ZNF652: variants seen among roughly 807,000 people sequenced by gnomAD.
ZNF652 encodes the protein zinc finger protein 652.
ZNF652 carries 16 observed loss-of-function variants against 45.2 expected under a neutral mutation model. That is an observed-to-expected ratio of 0.35 (90% CI 0.24 to 0.54). The LOEUF is 0.54. Ranked by LOEUF, ZNF652 falls within the 20% of genes least tolerant of loss-of-function variation. The pLI is 0.91. For synonymous variants in ZNF652, 250 were observed against 260.6 expected, an observed-to-expected ratio of 0.96 and a Z score of 0.39; for missense variants, 614 against 765.6, an observed-to-expected ratio of 0.80 and a Z score of 2.34.
chr17:49,347,735 G>GGTTTTTTTTTTTTTTTTT (rs1481178311), intron 1 of ZNF652, among the ~76,000 whole-genome samples: 2 of 124,410 alleles, frequency 1.6e-5, no homozygotes, highest in African/African-American at 3.2e-5. Context: ...TTGAACCTTG[G>GGTTTTTTTTTTTTTTTTT]TTTTGTTTTT....
chr17:49,349,733 C>T (rs932312423), intron 1 of ZNF652, among the ~76,000 whole-genome samples: 1 of 152,138 alleles, frequency 6.6e-6, no homozygotes, highest in African/African-American at 2.4e-5. Context: ...GAAAAGGGTA[C>T]TATTGCACAA....
At chr17:49,352,243 T>TA (rs1415102274) in intron 1 of ZNF652, among the ~76,000 whole-genome samples, 8 of 147,314 alleles carry the variant, frequency 5.4e-5, no homozygotes, top group South Asian at 2.1e-4. Flanking sequence ...AGTCAATATA[T>TA]TTTTTTTTTT....
At chr17:49,328,428 G>C (rs1284257796) in intron 1 of ZNF652, among the ~76,000 whole-genome samples, 1 of 152,062 alleles carries the variant, frequency 6.6e-6, no homozygotes, top group African/African-American at 2.4e-5. Context: ...TGGATGTTTT[G>C]TCCTCTCCAA....
At chr17:49,303,326 C>T (rs867249921) in intron 5 of ZNF652, among the ~76,000 whole-genome samples, 4 of 143,334 alleles carry the variant, frequency 2.8e-5, no homozygotes, top group African/African-American at 5.3e-5. Context: ...CTGCAACCTC[C>T]GCCTTCTGGG....
chr17:49,344,025 C>T (rs1408172130), intron 1 of ZNF652, among the ~76,000 whole-genome samples: 3 of 151,908 alleles, frequency 2.0e-5, no homozygotes, highest in Non-Finnish European at 2.9e-5. Context: ...AGTGAAACCC[C>T]GTCTCTACTA....
chr17:49,362,126 C>T lies in ZNF652; in HGVS notation c.-476G>A, dbSNP rs1403713173. ...ACGTGGCCGCCGCTCCGACGTCTCG[C>T]GACTCCCTTCCCAGCGCGCGAGGGC... is the stretch of plus-strand genomic sequence containing the variant. On this transcript the variant is annotated 5_prime_UTR_variant, in exon 1 of 6. Transcript: ENST00000430262. 1.3e-5 allele frequency: 2 copies of T among 150,516 alleles called. No homozygotes were observed. The highest frequency in any genetic ancestry group is 6.6e-5 in the Admixed American group (1 of 15,080). The allele number at this position is 150,516 out of a possible 1,614,324, so 9.3% of individuals were successfully genotyped here.
At chr17:49,315,930 A>G (rs901084811) in intron 2 of ZNF652, among the ~76,000 whole-genome samples, 1 of 152,248 alleles carries the variant, frequency 6.6e-6, no homozygotes, top group Non-Finnish European at 1.5e-5. Flanking sequence ...GACTACCAAT[A>G]TTAGAAGCAC....
At chr17:49,325,220 T>C (rs1273578664) in intron 1 of ZNF652, among the ~76,000 whole-genome samples, 1 of 152,198 alleles carries the variant, frequency 6.6e-6, no homozygotes, top group Non-Finnish European at 1.5e-5. Context: ...TTCCCTTCAC[T>C]TGACCACTGA....
In ZNF652 at chr17:49,328,605, C is replaced by T. The variant is rs539544795; in HGVS notation, c.-258-10622G>A. Among the ~76,000 whole-genome samples the T allele has an allele frequency of 2.4e-4, 37 of 152,172 alleles. No homozygotes were observed. In the South Asian group the frequency reaches 7.5e-3, roughly 31 times the overall value. On this transcript the variant is annotated intron_variant, in intron 1 of 5. Coordinates refer to ENST00000430262, the MANE Select transcript of ZNF652 (RefSeq NM_001145365.3). ...TCTGGTTAAGACTGTGGCACTTCCCCAATCTCTATCTCTTGCTTGCTCTTT... is the reference window on the plus strand; with the variant it reads ...TCTGGTTAAGACTGTGGCACTTCCCTAATCTCTATCTCTTGCTTGCTCTTT...
At chr17:49,356,441 A>AAC in intron 1 of ZNF652, among the ~76,000 whole-genome samples, 1 of 135,352 alleles carries the variant, frequency 7.4e-6, no homozygotes, top group South Asian at 2.2e-4. Flanking sequence ...AAAAAAAAAA[A>AAC]AAAAAAAAAA....
rs1411325958 is a variant in ZNF652 at position 49,317,948 on chromosome 17, C to T, written c.-223G>A. On this transcript the variant is annotated 5_prime_UTR_variant, in exon 2 of 6. Transcript: ENST00000430262. ...GAGCAGAGCACTAGTGATTTTTCTT[C>T]TGAAGAGAGCTGCAAGGGACTTGGG... 2.3e-6 allele frequency: 1 copy of T among 439,178 alleles called. No individual in the cohort carries two copies. Among genetic ancestry groups the T allele is most frequent in the Non-Finnish European group, 3.9e-6 (1 of 254,340 alleles). The allele number at this position is 439,178 out of a possible 1,614,324, so 27.2% of individuals were successfully genotyped here.
intron 1 of ZNF652, among the ~76,000 whole-genome samples, chr17:49,353,935 A>G (rs966634229): frequency 6.6e-6 from 1 of 152,360 alleles, no homozygotes; most frequent in Admixed American, 6.5e-5. Flanking sequence ...TCATCTTTAA[A>G]GAAATAAAAA....
chr17:49,331,100 G>T (rs1468276033), intron 1 of ZNF652, among the ~76,000 whole-genome samples: 1 of 140,082 alleles, frequency 7.1e-6, no homozygotes, highest in Non-Finnish European at 1.6e-5. Context: ...AGAAAGAAAA[G>T]AAAAGGGCTT....
chr17:49,334,406 C>G (rs901040963), intron 1 of ZNF652, among the ~76,000 whole-genome samples: 13 of 152,020 alleles, frequency 8.6e-5, no homozygotes, highest in African/African-American at 3.1e-4. Flanking sequence ...ATTGCTTGAG[C>G]CTGGGAGGTT....
At chr17:49,308,405 G>A (rs989509805) in intron 5 of ZNF652, among the ~76,000 whole-genome samples, 1 of 152,146 alleles carries the variant, frequency 6.6e-6, no homozygotes, top group Non-Finnish European at 1.5e-5. Flanking sequence ...TCGAACCTCT[G>A]GGCTCAAGAT....
chr17:49,349,902 T>C (rs2070251969), intron 1 of ZNF652, among the ~76,000 whole-genome samples: 1 of 152,152 alleles, frequency 6.6e-6, no homozygotes, highest in South Asian at 2.1e-4. Context: ...CTTACATATG[T>C]TTAAACAAAC....
chr17:49,299,812 G>A (rs959736926), intron 5 of ZNF652, among the ~76,000 whole-genome samples: 2 of 149,768 alleles, frequency 1.3e-5, no homozygotes. Flanking sequence ...AAATAGCTGG[G>A]ACTACTACAG....
In ZNF652 at chr17:49,298,888, C is replaced by T; in HGVS notation, c.1346G>A (p.Ser449Asn). ...CTTCATGTTGGGGCGGCTGGTGAAG[C>T]TTTTGCCACAGATTTCACAGATAAA... is the stretch of plus-strand genomic sequence containing the variant. ...KPFICEICGK[S>N]FTSRPNMKRH... Residue 449 changes from serine (S) to asparagine (N), a missense_variant, in exon 6 of 6, where the codon AGC (serine) becomes AAC (asparagine). By Grantham distance (46) the Ser-to-Asn change is conservative. Transcript: ENST00000430262. 1 of 1,612,930 alleles carries T rather than the reference C, an allele frequency of 6.2e-7. No individual in the cohort carries two copies. Among genetic ancestry groups the T allele is most frequent in the Non-Finnish European group, 8.5e-7 (1 of 1,179,538 alleles).
intron 1 of ZNF652, among the ~76,000 whole-genome samples, chr17:49,344,800 C>T (rs372601503): frequency 2.0e-5 from 3 of 152,082 alleles, no homozygotes; most frequent in African/African-American, 7.2e-5. Context: ...GGATTACAGG[C>T]GTGAGCCACC....
Sources: gnomAD v4.1 joint callset for allele counts (sites outside exome capture counted in the v4.1 genomes callset) on GRCh38, gnomAD v4.1.1 for gene constraint, MANE v1.5 for transcripts, NCBI Gene and HGNC (gene_info 2026-07-23, HGNC 2026-07-21) for gene names.